SORCS2: variants seen among roughly 807,000 people sequenced by gnomAD.
The protein encoded by SORCS2 is sortilin related VPS10 domain containing receptor 2.
Under a neutral mutation model 141.6 loss-of-function variants are expected in SORCS2, and 100 were observed. That is an observed-to-expected ratio of 0.71 (90% CI 0.60 to 0.83). The LOEUF (loss-of-function observed/expected upper bound fraction) is 0.83, where lower values mean the gene tolerates loss of function less well. Ranked by LOEUF, SORCS2 falls within the 40% of genes least tolerant of loss-of-function variation. The probability of loss-of-function intolerance (pLI) is 0.00; values close to 1 mark genes in which losing one functional copy is unlikely to be tolerated. For synonymous variants in SORCS2, 789 were observed against 676.9 expected (o/e 1.17, Z -2.57); for missense variants, 1,646 against 1,560.2 (o/e 1.05, Z -0.93).
intron 3 of SORCS2, among the ~76,000 whole-genome samples, chr4:7,542,712 G>A (rs1052357621): frequency 6.6e-6 from 1 of 152,260 alleles, no homozygotes; most frequent in African/African-American, 2.4e-5. Flanking sequence ...AGACGCTGAT[G>A]AGAATGGAGT....
chr4:7,445,335 C>T (rs1170158918), intron 2 of SORCS2, among the ~76,000 whole-genome samples: 2 of 151,434 alleles, frequency 1.3e-5, no homozygotes, highest in Non-Finnish European at 2.9e-5. Flanking sequence ...GAGGGAAAGC[C>T]GGGGGAGAGG....
At chr4:7,678,851 G>A (rs887640252) in intron 9 of SORCS2, among the ~76,000 whole-genome samples, 13 of 152,178 alleles carry the variant, frequency 8.5e-5, no homozygotes, top group African/African-American at 3.1e-4. Flanking sequence ...TTTGCTGTGT[G>A]GCCGTAGGTG....
intron 3 of SORCS2, among the ~76,000 whole-genome samples, chr4:7,585,436 G>T (rs1417872943): frequency 2.6e-5 from 4 of 152,202 alleles, no homozygotes; most frequent in Non-Finnish European, 4.4e-5. Context: ...CTCAGGAGGT[G>T]ACCTGGTCCC....
At chr4:7,344,173 A>G (rs1351488485) in intron 1 of SORCS2, among the ~76,000 whole-genome samples, 1 of 152,128 alleles carries the variant, frequency 6.6e-6, no homozygotes, top group Non-Finnish European at 1.5e-5. Flanking sequence ...TTAACTAACT[A>G]TCAGGCAGTG....
At chr4:7,675,996 C>T in intron 8 of SORCS2, 54 bp from the exon 9 acceptor site, 1 of 1,538,104 alleles carries the variant, frequency 6.5e-7, no homozygotes. Flanking sequence ...TTCTTCCTCC[C>T]TCGTGCAGCC....
Position 7,466,955 on chromosome 4 carries a change from G to A in SORCS2, c.549-64575G>A, listed in dbSNP as rs538404140. On this transcript the variant is annotated intron_variant, in intron 2 of 26. Transcript: ENST00000507866. ...CCTGCTGCCTTTCTCTTTGGAGATG[G>A]GTGGGGCTTGTATGTATGCAGGTGG... Among the ~76,000 whole-genome samples the A allele has an allele frequency of 9.3e-4, 141 of 152,266 alleles. 1 individual carries two copies. The highest frequency in any genetic ancestry group is 1.7e-3 in the Non-Finnish European group (116 of 68,018).
chr4:7,302,182 A>G (rs775368164), intron 1 of SORCS2, among the ~76,000 whole-genome samples: 1 of 152,212 alleles, frequency 6.6e-6, no homozygotes, highest in Admixed American at 6.5e-5. Context: ...TGAGATCCTC[A>G]CAGGCAGGCA....
intron 3 of SORCS2, among the ~76,000 whole-genome samples, chr4:7,595,293 C>G (rs1037847075): frequency 5.3e-5 from 8 of 152,184 alleles, no homozygotes; most frequent in Non-Finnish European, 8.8e-5. Context: ...ACCCTCGAAG[C>G]ACATCTGTGT....
At chr4:7,305,282 C>T (rs534795255) in intron 1 of SORCS2, among the ~76,000 whole-genome samples, 37 of 152,214 alleles carry the variant, frequency 2.4e-4, no homozygotes, top group African/African-American at 5.8e-4. Flanking sequence ...CTGCCCGCCT[C>T]GGCCTCCCAA....
chr4:7,491,274 C>T (rs1731299985), intron 2 of SORCS2, among the ~76,000 whole-genome samples: 1 of 152,316 alleles, frequency 6.6e-6, no homozygotes, highest in Admixed American at 6.5e-5. Flanking sequence ...ATGGGTTACT[C>T]GTAGCTAACC....
At chr4:7,220,355 G>C (rs1246632182) in intron 1 of SORCS2, among the ~76,000 whole-genome samples, 5 of 152,116 alleles carry the variant, frequency 3.3e-5, no homozygotes, top group African/African-American at 1.2e-4. Flanking sequence ...TGCAACATGG[G>C]GTCTAGGGGC....
At chr4:7,465,111 T>C (rs1267188434) in intron 2 of SORCS2, among the ~76,000 whole-genome samples, 1 of 152,190 alleles carries the variant, frequency 6.6e-6, no homozygotes, top group East Asian at 1.9e-4. Context: ...CATGGGTGAA[T>C]GACACCCGGG....
chr4:7,616,462 C>T (rs1160793607), intron 3 of SORCS2, among the ~76,000 whole-genome samples: 1 of 152,200 alleles, frequency 6.6e-6, no homozygotes, highest in African/African-American at 2.4e-5. Flanking sequence ...ACCATTCATT[C>T]ATCCATCCTC....
chr4:7,588,776 A>T (rs1410565951), intron 3 of SORCS2, among the ~76,000 whole-genome samples: 7 of 152,250 alleles, frequency 4.6e-5, no homozygotes, highest in Non-Finnish European at 1.0e-4. Context: ...TCATTCATTC[A>T]TGCATTCACA....
At chr4:7,432,239 A>G (rs1025636462) in intron 2 of SORCS2, 4 of 152,166 alleles carry the variant, frequency 2.6e-5, no homozygotes, top group African/African-American at 9.7e-5. Flanking sequence ...CCCTGAGAAT[A>G]AAAACACGGC....
At chr4:7,725,030 T>A in intron 19 of SORCS2, 124 bp from the exon 20 acceptor site, 1 of 1,038,778 alleles carries the variant, frequency 9.6e-7, no homozygotes, top group Non-Finnish European at 1.4e-6. Context: ...GTGGTGGTGA[T>A]GATAGTGGTA....
intron 2 of SORCS2, among the ~76,000 whole-genome samples, chr4:7,483,684 G>A (rs973990107): frequency 2.6e-5 from 4 of 152,086 alleles, no homozygotes; most frequent in African/African-American, 9.7e-5. Context: ...CGTCCTGGGA[G>A]GGAGTATTCC....
intron 4 of SORCS2, among the ~76,000 whole-genome samples, chr4:7,650,775 G>GC (rs1577897243): frequency 3.1e-5 from 3 of 97,664 alleles, no homozygotes; most frequent in Admixed American, 1.3e-4. Flanking sequence ...GCCCAGCCCA[G>GC]CCTGCCTCCT....
Position 7,740,480 on chromosome 4 carries a change from C to A in SORCS2, c.*216C>A, listed in dbSNP as rs1032351270. 1.7e-6 allele frequency: 1 copy of A among 574,802 alleles called. No homozygotes were observed. 35.6% of individuals were successfully genotyped at this position (574,802 alleles called of 1,614,324 possible). ...CCGGGACTCCCCGGACATGGCCCTG[C>A]CCCTATGGGACACCAGGCCTGACTC... is the stretch of plus-strand genomic sequence containing the variant. On this transcript the variant is annotated 3_prime_UTR_variant, in exon 27 of 27. Transcript: ENST00000507866.
Sources: allele counts gnomAD v4.1 joint callset (sites outside exome capture counted in the v4.1 genomes callset), GRCh38; gene constraint gnomAD v4.1.1; transcripts MANE v1.5; gene names NCBI Gene and HGNC (gene_info 2026-07-23, HGNC 2026-07-21).